The following DNASE1 variants were observed in gnomAD, a reference collection of about 807,000 sequenced individuals.
The protein encoded by DNASE1 is deoxyribonuclease-1.
A neutral mutation model predicts 33.9 loss-of-function variants in DNASE1; 40 were observed. The observed-to-expected ratio is 1.18, with a 90% CI of 0.92 to 1.54. The LOEUF (loss-of-function observed/expected upper bound fraction) is 1.54. Among genes scored for constraint, DNASE1 ranks in the 40% most tolerant of loss-of-function variants. DNASE1 has a pLI of 0.00. For missense variants in DNASE1, 518 were observed against 372.6 expected, an observed-to-expected ratio of 1.39 and a Z score of -3.21; for synonymous variants, 216 against 160.0, an observed-to-expected ratio of 1.35 and a Z score of -2.64.
chr16:3,655,665 C>T, intron 2 of DNASE1, 145 bp downstream of exon 2: 2 of 1,444,626 alleles, frequency 1.4e-6, no homozygotes, highest in Admixed American at 3.7e-5. Context: ...AGGCTCTTGG[C>T]TGTGGACCAA....
chr16:3,663,528 G>A (rs77440336), exon 10 of DNASE1: 3 of 1,614,090 alleles, frequency 1.9e-6, no homozygotes, highest in East Asian at 2.2e-5. Flanking sequence ...GTGCAGCAGG[G>A]TGAGCTCATC....
chr16:3,616,683 C>T (rs865973494), intron 1 of DNASE1, among the ~76,000 whole-genome samples: 2 of 149,128 alleles, frequency 1.3e-5, no homozygotes, highest in Non-Finnish European at 3.0e-5. Flanking sequence ...GCTCTTAATA[C>T]CCAAAACCCA....
At chr16:3,660,995 C>T (rs111828810), downstream of DNASE1, 1 of 152,056 alleles carries the variant, frequency 6.6e-6, no homozygotes, top group Non-Finnish European at 1.5e-5. Flanking sequence ...TTCCTTTTTG[C>T]TGTTTTCTAT....
chr16:3,662,656 A>G (rs757699035), downstream of DNASE1: 8 of 684,794 alleles, frequency 1.2e-5, no homozygotes, highest in South Asian at 1.2e-4. Context: ...TTCTCAGTTC[A>G]CACCTGCTCT....
At chr16:3,658,564 T>G (rs1054278187), downstream of DNASE1, 3 of 582,514 alleles carry the variant, frequency 5.2e-6, no homozygotes, top group African/African-American at 3.7e-5. Context: ...TCCCAGCTAC[T>G]CGGGAGGCTG....
At chr16:3,646,694 C>G (rs149389275) in intron 1 of DNASE1, among the ~76,000 whole-genome samples, 5 of 152,128 alleles carry the variant, frequency 3.3e-5, no homozygotes, top group African/African-American at 9.7e-5. Flanking sequence ...ATAAAGAGAT[C>G]TAATTACACA....
At chr16:3,619,392 C>T (rs1014776733) in intron 1 of DNASE1, among the ~76,000 whole-genome samples, 8 of 150,102 alleles carry the variant, frequency 5.3e-5, no homozygotes, top group South Asian at 2.1e-4. Flanking sequence ...GACAGAGTCT[C>T]GCTCTGTCGC....
intron 1 of DNASE1, among the ~76,000 whole-genome samples, chr16:3,636,506 C>G (rs963313894): frequency 3.3e-5 from 5 of 152,042 alleles, no homozygotes; most frequent in Admixed American, 1.3e-4. Context: ...TGTTGAAAAC[C>G]GGACTTGATG....
upstream of DNASE1, chr16:3,654,193 G>A (rs2042451643): frequency 2.5e-6 from 1 of 396,480 alleles, no homozygotes; most frequent in Non-Finnish European, 4.4e-6. Flanking sequence ...CTGCCCTTGT[G>A]ACCTGGTCAC....
chr16:3,654,666 C>G (rs2042480096), upstream of DNASE1: 1 of 398,930 alleles, frequency 2.5e-6, no homozygotes, highest in Admixed American at 4.4e-5. Flanking sequence ...CATTTTAAAA[C>G]TAAGTGCAAA....
chr16:3,656,360 C>G (rs1453102037), intron 4 of DNASE1, among the ~76,000 whole-genome samples, 175 bp downstream of exon 4: 4 of 150,626 alleles, frequency 2.7e-5, no homozygotes, highest in African/African-American at 7.3e-5. Context: ...GAGCAGGTGC[C>G]TGGCTCCCCC....
intron 1 of DNASE1, chr16:3,643,185 G>A (rs2042072797): frequency 6.5e-6 from 1 of 152,834 alleles, no homozygotes; most frequent in Admixed American, 6.5e-5. Flanking sequence ...ACCAAGATAG[G>A]GGCTCAGGGC....
In DNASE1 at chr16:3,654,907, G is replaced by A. The variant is rs945090204; in HGVS notation, c.-139G>A. 7.8e-5 allele frequency: 35 copies of A among 447,696 alleles called. No homozygotes were observed. The highest frequency in any genetic ancestry group is 1.1e-3 in the Middle Eastern group (2 of 1,766). 27.7% of individuals were successfully genotyped at this position (447,696 alleles called of 1,614,324 possible). A position where few individuals can be genotyped will look rare whatever the true frequency, so the allele number is the denominator to read the frequency against. ...AGCCCAGCAGCACTGCCAGGGCCTT[G>A]AAGTGCTTCTTCAGAGACCTTTCTT... On this transcript the variant is annotated 5_prime_UTR_variant, in exon 1 of 9. Transcript: ENST00000246949.
At chr16:3,615,965 G>C (rs2041088024) in intron 1 of DNASE1, among the ~76,000 whole-genome samples, 1 of 152,212 alleles carries the variant, frequency 6.6e-6, no homozygotes, top group African/African-American at 2.4e-5. Flanking sequence ...GGGTTGGGGA[G>C]ACAGCAGATT....
chr16:3,617,562 G>GCTGTCTAAA (rs1415029872), intron 1 of DNASE1, among the ~76,000 whole-genome samples: 4 of 152,162 alleles, frequency 2.6e-5, no homozygotes, highest in Admixed American at 6.6e-5. Flanking sequence ...AATCTATGCT[G>GCTGTCTAAA]CTGTCTAAAT....
rs150801581 is a variant in DNASE1 at position 3,624,369 on chromosome 16, G to C, written c.-1359+12363G>C. Among the ~76,000 whole-genome samples, 267 of 152,264 alleles carry C rather than the reference G, an allele frequency of 1.8e-3. 1 individual carries two copies. Among genetic ancestry groups the C allele is most frequent in the African/African-American group, 6.2e-3 (256 of 41,548 alleles). On this transcript the variant is annotated intron_variant and NMD_transcript_variant, in intron 1 of 11. Coordinates refer to the DNASE1 transcript ENST00000570769. ...AATTTTCTGCATGTTTTCTTCTAGAGTTTTTATTTTTACATTAAAATTGTT... is the reference window on the plus strand; with the variant it reads ...AATTTTCTGCATGTTTTCTTCTAGACTTTTTATTTTTACATTAAAATTGTT...
At chr16:3,640,954 C>G, upstream of DNASE1, 1 of 398,774 alleles carries the variant, frequency 2.5e-6, no homozygotes, top group South Asian at 1.3e-4. Context: ...TCCACCGTGA[C>G]TCCAGTGGAC....
chr16:3,619,192 A>G (rs953713032), intron 1 of DNASE1, among the ~76,000 whole-genome samples: 1 of 150,874 alleles, frequency 6.6e-6, no homozygotes, highest in Non-Finnish European at 1.5e-5. Flanking sequence ...GTAAAACCAC[A>G]CCTGGCTAAT....
In DNASE1 at chr16:3,663,993, G is replaced by A. The variant is rs376464788; in HGVS notation, c.*6040G>A. ...CAGGAGAATGACCTGAACCCAGGAG[G>A]CGGAAGTTGCAGTGAGCCGAGATCG... On this transcript the variant is annotated 3_prime_UTR_variant, in exon 10 of 10. Transcript: ENST00000407479. The A allele has an allele frequency of 5.2e-4, 193 of 372,226 alleles. 1 individual carries two copies. In the East Asian group the frequency reaches 8.8e-3, roughly 17 times the overall value. 23.1% of individuals were successfully genotyped at this position (372,226 alleles called of 1,614,324 possible).
Sources: allele counts gnomAD v4.1 joint callset (sites outside exome capture counted in the v4.1 genomes callset), GRCh38; gene constraint gnomAD v4.1.1; transcripts MANE v1.5; gene names NCBI Gene and HGNC (gene_info 2026-07-23, HGNC 2026-07-21).